The following DAB1 variants were observed in gnomAD, a reference collection of about 807,000 sequenced individuals.
The protein encoded by DAB1 is disabled homolog 1.
A neutral mutation model predicts 64.6 loss-of-function variants in DAB1; 15 were observed. That is an observed-to-expected ratio of 0.23 (90% confidence interval 0.16 to 0.36). The LOEUF (loss-of-function observed/expected upper bound fraction) is 0.36. DAB1 is among the 10% of genes least tolerant of loss of function. The pLI, the probability that DAB1 is intolerant of heterozygous loss-of-function variation, is 1.00. For synonymous variants in DAB1, 235 were observed against 251.9 expected, an observed-to-expected ratio of 0.93 and a Z score of 0.64; for missense variants, 596 against 706.7, an observed-to-expected ratio of 0.84 and a Z score of 1.78.
intron 7 of DAB1, among the ~76,000 whole-genome samples, chr1:57,542,019 G>A (rs951855785): frequency 3.3e-5 from 5 of 152,308 alleles, no homozygotes; most frequent in African/African-American, 4.8e-5. Flanking sequence ...ATGAATGGAA[G>A]TGTCCAGAGC....
At chr1:57,083,504 A>G (rs1367362698) in intron 4 of DAB1, among the ~76,000 whole-genome samples, 4 of 152,206 alleles carry the variant, frequency 2.6e-5, no homozygotes, top group African/African-American at 9.6e-5. Flanking sequence ...TGGAAATGAA[A>G]CAGCATGTTT....
chr1:58,277,287 A>T (rs1010127268), intron 4 of DAB1, among the ~76,000 whole-genome samples: 1 of 151,764 alleles, frequency 6.6e-6, no homozygotes, highest in African/African-American at 2.4e-5. Context: ...TGATCCGCCC[A>T]CCTCAGCCTC....
chr1:57,820,144 G>A (rs1219259390), intron 6 of DAB1, among the ~76,000 whole-genome samples: 2 of 152,174 alleles, frequency 1.3e-5, no homozygotes, highest in Non-Finnish European at 2.9e-5. Flanking sequence ...AGTTAAAAGA[G>A]CAGAAACCAG....
chr1:57,094,005 T>A (rs1239082962), intron 4 of DAB1, among the ~76,000 whole-genome samples: 1 of 150,626 alleles, frequency 6.6e-6, no homozygotes, highest in Non-Finnish European at 1.5e-5. Context: ...GCTATGCAGA[T>A]GGCCGAGGCA....
At chr1:57,065,270 T>G (rs1034801962) in intron 8 of DAB1, among the ~76,000 whole-genome samples, 2 of 152,166 alleles carry the variant, frequency 1.3e-5, no homozygotes, top group African/African-American at 4.8e-5. Context: ...TCTGGTAACC[T>G]CTGGTGCATT....
intron 1 of DAB1, among the ~76,000 whole-genome samples, chr1:57,372,522 A>T (rs2100939510): frequency 1.3e-5 from 2 of 152,316 alleles, no homozygotes; most frequent in East Asian, 3.9e-4. Context: ...GGCCCAACTC[A>T]TATTTATAAT....
At chr1:57,849,699 C>A (rs1569844670) in intron 1 of DAB1, among the ~76,000 whole-genome samples, 1 of 152,216 alleles carries the variant, frequency 6.6e-6, no homozygotes, top group Admixed American at 6.5e-5. Context: ...CCATGTTTAT[C>A]TTTCCCAGTT....
chr1:57,763,859 T>A (rs543007637), intron 6 of DAB1, among the ~76,000 whole-genome samples: 2 of 152,296 alleles, frequency 1.3e-5, no homozygotes, highest in South Asian at 4.1e-4. Context: ...ACTTCTTTGT[T>A]GTTTCCATAA....
intron 1 of DAB1, among the ~76,000 whole-genome samples, chr1:57,341,428 T>C (rs938584076): frequency 2.0e-5 from 3 of 152,192 alleles, no homozygotes; most frequent in African/African-American, 7.2e-5. Context: ...GCCTACCCTA[T>C]GCCTATAAAC....
At chr1:57,695,460 C>G (rs934143306) in intron 6 of DAB1, among the ~76,000 whole-genome samples, 1 of 151,708 alleles carries the variant, frequency 6.6e-6, no homozygotes, top group Non-Finnish European at 1.5e-5. Flanking sequence ...CCAATTAAGT[C>G]TGTATGTCTG....
intron 6 of DAB1, among the ~76,000 whole-genome samples, chr1:57,817,311 C>G (rs1219485331): frequency 6.6e-6 from 1 of 152,166 alleles, no homozygotes. Flanking sequence ...CCTTCCTGGA[C>G]CAACTGCATA....
At chr1:57,873,278 T>C (rs1042345468) in intron 1 of DAB1, among the ~76,000 whole-genome samples, 22 of 149,464 alleles carry the variant, frequency 1.5e-4, no homozygotes, top group African/African-American at 5.4e-4. Context: ...AAGCTAACTC[T>C]ATATTCTGTT....
rs1230613120 is a variant in DAB1, at chr1:58,460,234, G to A, written n.257+45826C>T. ...AGGAGCTCTGGGTCAGACCCAGAGG[G>A]TATTAAGATGCCTGATCCTATCAGA... is the stretch of plus-strand genomic sequence containing the variant. On this transcript the variant is annotated intron_variant and non_coding_transcript_variant, in intron 3 of 20. Transcript: ENST00000485760. Among the ~76,000 whole-genome samples the A allele has an allele frequency of 2.0e-5, 3 of 152,130 alleles. No individual in the cohort carries two copies. In the South Asian group the frequency reaches 6.2e-4, roughly 32 times the overall value.
intron 4 of DAB1, among the ~76,000 whole-genome samples, chr1:58,174,474 TAA>T (rs1656351606): frequency 6.6e-6 from 1 of 152,164 alleles, no homozygotes; most frequent in African/African-American, 2.4e-5. Context: ...CTGACTGACC[TAA>T]AGAGTTCCCC....
intron 4 of DAB1, among the ~76,000 whole-genome samples, chr1:58,296,194 AG>A (rs1212174077): frequency 1.4e-4 from 15 of 107,074 alleles, no homozygotes; most frequent in Middle Eastern, 4.8e-3. Context: ...AGAGAAAGAA[AG>A]AGAAAGAAAG....
chr1:57,225,115 C>G (rs1667163489), intron 2 of DAB1, among the ~76,000 whole-genome samples: 1 of 152,190 alleles, frequency 6.6e-6, no homozygotes, highest in South Asian at 2.1e-4. Context: ...TCATTTGTAT[C>G]CTTTGTGATA....
chr1:57,975,929 T>A (rs1202435589), intron 5 of DAB1, among the ~76,000 whole-genome samples: 1 of 152,204 alleles, frequency 6.6e-6, no homozygotes, highest in Non-Finnish European at 1.5e-5. Context: ...CCTTACCTAC[T>A]AAGGGCAGCC....
chr1:58,256,223 G>T (rs1233659265), intron 4 of DAB1, among the ~76,000 whole-genome samples: 2 of 152,232 alleles, frequency 1.3e-5, no homozygotes, highest in Non-Finnish European at 2.9e-5. Flanking sequence ...GAGTCTATGG[G>T]TGCACGGTTG....
chr1:58,031,988 ACG>A (rs969577041), intron 5 of DAB1, among the ~76,000 whole-genome samples: 3 of 120,186 alleles, frequency 2.5e-5, no homozygotes, highest in Non-Finnish European at 5.3e-5. Flanking sequence ...ACTGATAGAA[ACG>A]TGTGTGTGTG....
Sources: allele counts gnomAD v4.1 joint callset (sites outside exome capture counted in the v4.1 genomes callset), GRCh38; gene constraint gnomAD v4.1.1; transcripts MANE v1.5; gene names NCBI Gene and HGNC (gene_info 2026-07-23, HGNC 2026-07-21).